The following POFUT3 variants were observed in gnomAD, a reference collection of about 807,000 sequenced individuals.
The protein encoded by POFUT3 is protein O-fucosyltransferase 3, also known as GDP-fucose protein O-fucosyltransferase 3.
At chr8:33,415,127 T>C in the POFUT3 span, among the ~76,000 whole-genome samples, 1 of 151,954 alleles carries the variant, frequency 6.6e-6, no homozygotes, top group Non-Finnish European at 1.5e-5. Flanking sequence ...CTGGCTGTGG[T>C]GGCATGTGCC....
chr8:33,402,517 T>A, the POFUT3 span, among the ~76,000 whole-genome samples: 1 of 152,186 alleles, frequency 6.6e-6, no homozygotes, highest in Non-Finnish European at 1.5e-5. Context: ...AAGTTAACCA[T>A]GTCTAGGATA....
At chr8:33,395,698 C>A in the POFUT3 span, among the ~76,000 whole-genome samples, 1 of 152,214 alleles carries the variant, frequency 6.6e-6, no homozygotes, top group East Asian at 1.9e-4. Flanking sequence ...CATCCACGGA[C>A]GACAAGTGCT....
the POFUT3 span, among the ~76,000 whole-genome samples, chr8:33,377,021 A>G: frequency 6.6e-6 from 1 of 152,260 alleles, no homozygotes; most frequent in East Asian, 1.9e-4. Context: ...TCACGAGGTC[A>G]AGAGTTCGAG....
At chr8:33,376,157 TA>T in the POFUT3 span, among the ~76,000 whole-genome samples, 1 of 152,170 alleles carries the variant, frequency 6.6e-6, no homozygotes, top group African/African-American at 2.4e-5. Context: ...CTGTTTTTGT[TA>T]ATTAACTTTG....
the POFUT3 span, among the ~76,000 whole-genome samples, chr8:33,434,749 G>T: frequency 6.6e-6 from 1 of 152,054 alleles, no homozygotes; most frequent in East Asian, 1.9e-4. Context: ...CCTCCCTAGA[G>T]CGAGGCTCAC....
chr8:33,313,478 G>A, the POFUT3 span, among the ~76,000 whole-genome samples: 3 of 151,934 alleles, frequency 2.0e-5, no homozygotes, highest in African/African-American at 7.3e-5. Flanking sequence ...AGGCATTCTC[G>A]TGGCTCTGCT....
chr8:33,431,051 G>C, the POFUT3 span, among the ~76,000 whole-genome samples: 1 of 152,094 alleles, frequency 6.6e-6, no homozygotes, highest in Non-Finnish European at 1.5e-5. Flanking sequence ...GTGCATTGTG[G>C]GTCTGTGTGG....
the POFUT3 span, among the ~76,000 whole-genome samples, chr8:33,391,847 C>T: frequency 6.6e-6 from 1 of 152,122 alleles, no homozygotes. Flanking sequence ...GAGTGAGTGA[C>T]CCAAACACCA....
chr8:33,355,609 T>A, the POFUT3 span, among the ~76,000 whole-genome samples: 32 of 152,328 alleles, frequency 2.1e-4, no homozygotes, highest in East Asian at 5.8e-3. Context: ...TGGGATGTTA[T>A]ATTTATATTG....
chr8:33,461,221 G>A, the POFUT3 span: 2 of 468,830 alleles, frequency 4.3e-6, no homozygotes, highest in East Asian at 7.4e-5. Context: ...GAGGGAGGGA[G>A]GGAGGGAGGG....
the POFUT3 span, among the ~76,000 whole-genome samples, chr8:33,454,262 G>A: frequency 6.6e-6 from 1 of 152,230 alleles, no homozygotes; most frequent in Non-Finnish European, 1.5e-5. Flanking sequence ...CTCTAGGAGA[G>A]AAGCCTCTTT....
At chr8:33,380,191 ATATATATATACTATATATATATAC>A in the POFUT3 span, among the ~76,000 whole-genome samples, 4 of 57,012 alleles carry the variant, frequency 7.0e-5, no homozygotes, top group African/African-American at 3.2e-4. Flanking sequence ...TATATATACT[ATATATATATACTATATATATATAC>A]TATATATATA....
chr8:33,316,570 A>T, the POFUT3 span, among the ~76,000 whole-genome samples: 2 of 130,202 alleles, frequency 1.5e-5, no homozygotes, highest in African/African-American at 6.0e-5. Context: ...AAACTACAAA[A>T]AAAAAGAAAG....
At chr8:33,436,909 C>T in the POFUT3 span, among the ~76,000 whole-genome samples, 2 of 151,948 alleles carry the variant, frequency 1.3e-5, no homozygotes, top group African/African-American at 4.8e-5. Context: ...CTTTTCCCCC[C>T]TCCCTCCTTC....
chr8:33,468,581 G>A, the POFUT3 span, among the ~76,000 whole-genome samples: 1 of 152,224 alleles, frequency 6.6e-6, no homozygotes, highest in Non-Finnish European at 1.5e-5. Flanking sequence ...TCCTGGCGAA[G>A]ACATGTGATA....
At chr8:33,400,390 T>C in the POFUT3 span, among the ~76,000 whole-genome samples, 1 of 151,924 alleles carries the variant, frequency 6.6e-6, no homozygotes, top group Non-Finnish European at 1.5e-5. Flanking sequence ...AAGGCAGAGG[T>C]TGCAGTGAGG....
the POFUT3 span, among the ~76,000 whole-genome samples, chr8:33,343,022 G>A: frequency 7.3e-5 from 11 of 151,364 alleles, no homozygotes; most frequent in African/African-American, 1.9e-4. Flanking sequence ...CAGGAGAATC[G>A]CTTGAACCTA....
At chr8:33,441,378 C>CTTTTTTTTT in the POFUT3 span, among the ~76,000 whole-genome samples, 1 of 114,070 alleles carries the variant, frequency 8.8e-6, no homozygotes, top group Admixed American at 9.1e-5. Flanking sequence ...TTTTTCCTGC[C>CTTTTTTTTT]TTTTTTTTTT....
the POFUT3 span, among the ~76,000 whole-genome samples, chr8:33,363,459 CA>C: frequency 1.3e-5 from 2 of 152,048 alleles, no homozygotes; most frequent in East Asian, 3.9e-4. Flanking sequence ...AAAAACCCTT[CA>C]AAAAATCAAT....
Sources: allele counts gnomAD v4.1 joint callset (sites outside exome capture counted in the v4.1 genomes callset), GRCh38; gene constraint gnomAD v4.1.1; transcripts MANE v1.5; gene names NCBI Gene and HGNC (gene_info 2026-07-23, HGNC 2026-07-21).